Variants in GSK3B observed in about 807,000 individuals in gnomAD.
GSK3B encodes glycogen synthase kinase 3 beta.
A neutral mutation model predicts 56.4 loss-of-function variants in GSK3B; 15 were observed. The observed-to-expected ratio is 0.27, with a 90% CI of 0.18 to 0.41. GSK3B has a LOEUF of 0.41. GSK3B is among the 10% of genes least tolerant of loss of function. GSK3B has a pLI of 1.00. For missense variants in GSK3B, 300 were observed against 513.4 expected (o/e 0.58, Z 4.02); for synonymous variants, 181 against 188.9 (o/e 0.96, Z 0.34).
At position 119,826,137 on chromosome 3, in the gene GSK3B, A is replaced by G; in HGVS notation, c.*651T>C. ...CTAACTGAGAGCAAAACAAAACCTT[A>G]ACAAATCTACTAAGAATCTTCCCTG... On this transcript the variant is annotated 3_prime_UTR_variant, in exon 11 of 11. Coordinates refer to ENST00000264235, the MANE Select transcript of GSK3B (RefSeq NM_001146156.2). 4.3e-6 allele frequency: 1 copy of G among 234,674 alleles called. No individual in the cohort carries two copies. Among genetic ancestry groups the G allele is most frequent in the Non-Finnish European group, 8.4e-6 (1 of 119,672 alleles). 14.5% of individuals were successfully genotyped at this position (234,674 alleles called of 1,614,324 possible). A position where few individuals can be genotyped will look rare whatever the true frequency, so the allele number is the denominator to read the frequency against.
intron 2 of GSK3B, among the ~76,000 whole-genome samples, chr3:119,984,199 T>A (rs1023192227): frequency 1.3e-5 from 2 of 152,118 alleles, no homozygotes; most frequent in African/African-American, 4.8e-5. Context: ...TGGAACACAT[T>A]TAAAGCAGTG....
intron 1 of GSK3B, among the ~76,000 whole-genome samples, chr3:120,032,743 A>G (rs2057988262): frequency 6.6e-6 from 1 of 152,258 alleles, no homozygotes; most frequent in Non-Finnish European, 1.5e-5. Context: ...TCCATTTGGC[A>G]GCATATATAT....
intron 1 of GSK3B, among the ~76,000 whole-genome samples, chr3:120,005,356 G>C (rs1030178250): frequency 6.6e-6 from 1 of 152,202 alleles, no homozygotes; most frequent in Non-Finnish European, 1.5e-5. Flanking sequence ...CCACTCTTAA[G>C]GATATTCACC....
intron 9 of GSK3B, among the ~76,000 whole-genome samples, chr3:119,847,574 T>C (rs1047515670): frequency 2.6e-5 from 4 of 152,144 alleles, no homozygotes; most frequent in African/African-American, 9.7e-5. Context: ...CTAACTGAGT[T>C]AGTAATCAAC....
intron 1 of GSK3B, among the ~76,000 whole-genome samples, chr3:120,033,118 T>C (rs2057992060): frequency 6.6e-6 from 1 of 152,242 alleles, no homozygotes; most frequent in Non-Finnish European, 1.5e-5. Flanking sequence ...TGGTCTTTTG[T>C]GCTTGGCTTC....
In GSK3B at chr3:120,002,201, T is replaced by A; in HGVS notation, c.127A>T (p.Thr43Ser). The A allele has an allele frequency of 1.9e-6, 3 of 1,588,286 alleles. No individual in the cohort carries two copies. The South Asian group carries it at 3.5e-5, about 19-fold the overall frequency. ...GGCCTGTCTGGACCCTGCCCAGGAG[T>A]TGCCACCACTGTTGTCACCTTGCTG... is the stretch of plus-strand genomic sequence containing the variant. ...DGSKVTTVVA[T>S]PGQGPDRPQE... Residue 43 changes from threonine (T) to serine (S), a missense_variant, in exon 2 of 11, where the codon ACT (threonine) becomes TCT (serine). Coordinates refer to ENST00000264235, the MANE Select transcript of GSK3B (RefSeq NM_001146156.2).
chr3:119,898,607 T>G (rs1319544280), intron 7 of GSK3B, among the ~76,000 whole-genome samples: 1 of 152,106 alleles, frequency 6.6e-6, no homozygotes, highest in Non-Finnish European at 1.5e-5. Flanking sequence ...GGTACAAAAT[T>G]CCATGAATAG....
chr3:119,892,430 C>T (rs1393866817), intron 7 of GSK3B, among the ~76,000 whole-genome samples: 2 of 152,172 alleles, frequency 1.3e-5, no homozygotes, highest in African/African-American at 4.8e-5. Flanking sequence ...TTTCATGTTT[C>T]AATATTCAGC....
chr3:119,904,960 T>A (rs2056667696), intron 7 of GSK3B, among the ~76,000 whole-genome samples: 1 of 119,978 alleles, frequency 8.3e-6, no homozygotes, highest in Non-Finnish European at 2.0e-5. Flanking sequence ...GACACTAGGT[T>A]TTTTTTTTTT....
intron 1 of GSK3B, among the ~76,000 whole-genome samples, chr3:120,024,049 T>C (rs1409408083): frequency 1.3e-5 from 2 of 152,186 alleles, no homozygotes; most frequent in African/African-American, 4.8e-5. Flanking sequence ...TTAACAGTCT[T>C]AGGTTTTAAT....
intron 7 of GSK3B, among the ~76,000 whole-genome samples, chr3:119,904,387 A>G (rs2056661151): frequency 6.6e-6 from 1 of 152,180 alleles, no homozygotes; most frequent in Non-Finnish European, 1.5e-5. Flanking sequence ...AACAAGTGTA[A>G]AAGATTAGAT....
chr3:119,832,635 G>T (rs186932023), intron 10 of GSK3B, among the ~76,000 whole-genome samples: 39 of 152,312 alleles, frequency 2.6e-4, no homozygotes, highest in Admixed American at 2.2e-3. Context: ...GATTATATTA[G>T]ATTTAATTCT....
intron 1 of GSK3B, among the ~76,000 whole-genome samples, chr3:120,037,855 CACAA>C (rs1246759726): frequency 6.6e-6 from 1 of 152,074 alleles, no homozygotes; most frequent in Non-Finnish European, 1.5e-5. Context: ...TCAATAACTA[CACAA>C]ACAGTCCATA....
At chr3:120,079,350 A>ACAC (rs1491395281) in intron 1 of GSK3B, among the ~76,000 whole-genome samples, 3 of 96,508 alleles carry the variant, frequency 3.1e-5, no homozygotes, top group African/African-American at 8.5e-5. Flanking sequence ...ACACACACAC[A>ACAC]TTTTTTTTTT....
At chr3:119,924,058 A>T (rs941370721) in intron 3 of GSK3B, among the ~76,000 whole-genome samples, 15 of 152,246 alleles carry the variant, frequency 9.9e-5, no homozygotes, top group Non-Finnish European at 2.2e-4. Context: ...TAGAACAATC[A>T]CTTGTCTTCT....
At chr3:120,015,698 A>G (rs1443618980) in intron 1 of GSK3B, among the ~76,000 whole-genome samples, 4 of 147,186 alleles carry the variant, frequency 2.7e-5, no homozygotes, top group African/African-American at 1.0e-4. Flanking sequence ...TATTGGAATC[A>G]TTTACATTTC....
intron 1 of GSK3B, among the ~76,000 whole-genome samples, chr3:120,039,101 A>C (rs548605502): frequency 6.6e-6 from 1 of 152,362 alleles, no homozygotes; most frequent in South Asian, 2.1e-4. Flanking sequence ...GCTCAACATC[A>C]TATGTCATTA....
chr3:119,930,484 C>T (rs978738007), intron 3 of GSK3B, among the ~76,000 whole-genome samples: 1 of 152,026 alleles, frequency 6.6e-6, no homozygotes, highest in Non-Finnish European at 1.5e-5. Context: ...CCTCTGATTT[C>T]AACACAGCCA....
chr3:119,912,726 G>C lies in GSK3B; in HGVS notation c.693C>G (p.Ala231=), dbSNP rs772675426. The C allele has an allele frequency of 1.3e-6, 2 of 1,545,518 alleles. No homozygotes were observed. Among genetic ancestry groups the C allele is most frequent in the Admixed American group, 3.3e-5 (2 of 59,768 alleles). ...TACCTATACTAGAGGTATAATCAGTGGCTCCAAAGATCAACTCTGGTGCCC... is the reference window on the plus strand; with the variant it reads ...TACCTATACTAGAGGTATAATCAGTCGCTCCAAAGATCAACTCTGGTGCCC... ...YYRAPELIFG[A]TDYTSSIDVW... is the part of the protein sequence containing the mutation. The change falls in exon 6 of 11, where the codon GCC becomes GCG. Residue 231 remains alanine (A), a synonymous_variant. Transcript: ENST00000264235.
Sources: gnomAD v4.1 joint callset for allele counts (sites outside exome capture counted in the v4.1 genomes callset) on GRCh38, gnomAD v4.1.1 for gene constraint, MANE v1.5 for transcripts, NCBI Gene and HGNC (gene_info 2026-07-23, HGNC 2026-07-21) for gene names.